The following ARMC9 variants were observed in gnomAD, a reference collection of about 807,000 sequenced individuals.
ARMC9 encodes the protein armadillo repeat containing 9, also known as lisH domain-containing protein ARMC9.
Under a neutral mutation model 107.0 loss-of-function variants are expected in ARMC9, and 94 were observed. The observed-to-expected ratio is 0.88, with a 90% CI of 0.74 to 1.04. ARMC9 has a LOEUF of 1.04. ARMC9 is among the 50% of genes least tolerant of loss of function. The pLI, the probability that ARMC9 is intolerant of heterozygous loss-of-function variation, is 0.00. For missense variants in ARMC9, 942 were observed against 1,030.1 expected, an observed-to-expected ratio of 0.91 and a Z score of 1.17; for synonymous variants, 380 against 396.9, an observed-to-expected ratio of 0.96 and a Z score of 0.51.
At chr2:231,359,863 G>T (rs1363381260) in intron 22 of ARMC9, among the ~76,000 whole-genome samples, 1 of 152,188 alleles carries the variant, frequency 6.6e-6, no homozygotes, top group Non-Finnish European at 1.5e-5. Context: ...GGAAGTCAAA[G>T]CCCCTTGCTA....
chr2:231,245,884 C>T (rs904612152), intron 9 of ARMC9, among the ~76,000 whole-genome samples: 6 of 152,190 alleles, frequency 3.9e-5, no homozygotes, highest in African/African-American at 1.2e-4. Flanking sequence ...AGGTATGCCA[C>T]GAGAGGGGGC....
At chr2:231,246,057 C>T (rs1483482298) in intron 9 of ARMC9, among the ~76,000 whole-genome samples, 1 of 152,208 alleles carries the variant, frequency 6.6e-6, no homozygotes, top group Non-Finnish European at 1.5e-5. Flanking sequence ...GACCTAGTGG[C>T]ACCTCTGGGT....
chr2:231,242,017 C>A (rs1272852462), intron 9 of ARMC9, among the ~76,000 whole-genome samples: 1 of 152,092 alleles, frequency 6.6e-6, no homozygotes, highest in South Asian at 2.1e-4. Context: ...GGAACCATGA[C>A]AATAAAACAA....
intron 23 of ARMC9, among the ~76,000 whole-genome samples, chr2:231,369,148 G>A (rs978230730): frequency 2.0e-5 from 3 of 152,196 alleles, no homozygotes; most frequent in African/African-American, 4.8e-5. Context: ...CAAGGTGTCA[G>A]GGAACTCCCG....
chr2:231,320,232 C>A (rs917466961), intron 19 of ARMC9, among the ~76,000 whole-genome samples: 1 of 152,146 alleles, frequency 6.6e-6, no homozygotes, highest in African/African-American at 2.4e-5. Context: ...TCCTTATATG[C>A]CCTTGAGTGC....
At chr2:231,299,608 G>A (rs931538816) in intron 19 of ARMC9, among the ~76,000 whole-genome samples, 6 of 152,132 alleles carry the variant, frequency 3.9e-5, no homozygotes, top group African/African-American at 1.4e-4. Context: ...GCTGCTCCTC[G>A]CCCAGTCTGG....
intron 9 of ARMC9, among the ~76,000 whole-genome samples, chr2:231,249,985 C>T (rs1031456364): frequency 6.1e-5 from 9 of 148,216 alleles, no homozygotes; most frequent in South Asian, 2.2e-4. Context: ...GGGAGACCAC[C>T]GCCCACCCGT....
chr2:231,278,285 A>T, intron 15 of ARMC9, 97 bp from the exon 16 acceptor site: 2 of 1,206,128 alleles, frequency 1.7e-6, no homozygotes, highest in African/African-American at 1.5e-5. Context: ...ACAGCTCATG[A>T]GCAGAGGAGC....
intron 17 of ARMC9, among the ~76,000 whole-genome samples, chr2:231,284,597 A>G (rs748627753): frequency 3.3e-4 from 51 of 152,246 alleles, no homozygotes; most frequent in Non-Finnish European, 5.6e-4. Flanking sequence ...GGCTTCCCCT[A>G]GAATGAATGA....
chr2:231,269,599 G>A (rs2039142289), intron 12 of ARMC9, among the ~76,000 whole-genome samples: 1 of 151,500 alleles, frequency 6.6e-6, no homozygotes, highest in Non-Finnish European at 1.5e-5. Context: ...TGGCCAGGCT[G>A]GTCTCAAACC....
chr2:231,261,398 A>G (rs1351233652), intron 11 of ARMC9, among the ~76,000 whole-genome samples: 2 of 152,202 alleles, frequency 1.3e-5, no homozygotes, highest in Non-Finnish European at 2.9e-5. Context: ...CTAGCCAGCT[A>G]CCTCTACACT....
At chr2:231,344,844 T>G in intron 20 of ARMC9, 131 bp from the exon 21 acceptor site, 1 of 955,312 alleles carries the variant, frequency 1.0e-6, no homozygotes, top group South Asian at 1.5e-5. Context: ...ATTTGTGACA[T>G]GATCCTTCCT....
chr2:231,218,442 G>A (rs2033763600), intron 5 of ARMC9, among the ~76,000 whole-genome samples: 4 of 152,118 alleles, frequency 2.6e-5, no homozygotes, highest in African/African-American at 9.7e-5. Context: ...TTTTCTCACA[G>A]TGAGACTTCT....
intron 20 of ARMC9, among the ~76,000 whole-genome samples, chr2:231,334,386 G>A (rs2043945342): frequency 1.3e-5 from 2 of 152,236 alleles, no homozygotes; most frequent in Admixed American, 1.3e-4. Flanking sequence ...CCCAGGCCAT[G>A]CTTGGCTTGT....
At chr2:231,295,764 ACTTACTGGAAGTGAGACCAAGAAGTCT>A (rs1415286797) in intron 18 of ARMC9, 1 of 153,100 alleles carries the variant, frequency 6.5e-6, no homozygotes, top group African/African-American at 2.4e-5. Flanking sequence ...GCTGCCTGCC[ACTTACTGGAAGTGAGACCAAGAAGTCT>A]CTCTTTCCTC....
At chr2:231,252,147 G>A (rs767405020) in intron 9 of ARMC9, among the ~76,000 whole-genome samples, 9 of 152,120 alleles carry the variant, frequency 5.9e-5, no homozygotes, top group Admixed American at 3.9e-4. Context: ...GGTAGAAAAC[G>A]TTTTTTGGCT....
At position 231,269,050 on chromosome 2, in the gene ARMC9, G is replaced by A. The variant is rs546302669; in HGVS notation, c.1120-1932G>A. On this transcript the variant is annotated intron_variant, in intron 12 of 24. Coordinates refer to ENST00000611582, the MANE Select transcript of ARMC9 (RefSeq NM_001352754.2). ...ACTGCACTTCATCCTGGGCAACAAAGTGAGAGCTTGACTCAAAAAATTTAA... is the reference window on the plus strand; with the variant it reads ...ACTGCACTTCATCCTGGGCAACAAAATGAGAGCTTGACTCAAAAAATTTAA... 7.2e-5 allele frequency among the ~76,000 whole-genome samples: 11 copies of A among 152,258 alleles called. No individual in the cohort carries two copies. The East Asian group carries it at 1.2e-3, about 16-fold the overall frequency.
intron 21 of ARMC9, among the ~76,000 whole-genome samples, chr2:231,352,703 ATAGATGATAGG>A (rs1388311094): frequency 5.4e-5 from 8 of 148,606 alleles, no homozygotes; most frequent in South Asian, 4.3e-4. Context: ...AGATAGATAG[ATAGATGATAGG>A]TAGGTAGATA....
At chr2:231,354,931 A>T (rs139096281) in intron 21 of ARMC9, among the ~76,000 whole-genome samples, 1 of 152,240 alleles carries the variant, frequency 6.6e-6, no homozygotes, top group Admixed American at 6.5e-5. Context: ...ATCTGGTGCA[A>T]TGAAGCTCTC....
Sources: gnomAD v4.1 joint callset for allele counts (sites outside exome capture counted in the v4.1 genomes callset) on GRCh38, gnomAD v4.1.1 for gene constraint, MANE v1.5 for transcripts, NCBI Gene and HGNC (gene_info 2026-07-23, HGNC 2026-07-21) for gene names.